Variants in AKAP1 observed in about 807,000 individuals in gnomAD.
The protein encoded by AKAP1 is A-kinase anchoring protein 1.
A neutral mutation model predicts 79.8 loss-of-function variants in AKAP1; 32 were observed. The observed-to-expected ratio is 0.40, with a 90% confidence interval of 0.30 to 0.54. AKAP1 has a LOEUF of 0.54. Ranked by LOEUF, AKAP1 falls within the 20% of genes least tolerant of loss-of-function variation. The pLI, the probability that AKAP1 is intolerant of heterozygous loss-of-function variation, is 0.47. For missense variants in AKAP1, 961 were observed against 1,138.9 expected (o/e 0.84, Z 2.25); for synonymous variants, 416 against 466.7 (o/e 0.89, Z 1.40).
chr17:57,116,300 G>A, intron 7 of AKAP1, 39 bp downstream of exon 7: 13 of 1,611,778 alleles, frequency 8.1e-6, no homozygotes, highest in Non-Finnish European at 1.1e-5. Context: ...CGCCCTGCTT[G>A]TTCTGGGATG....
chr17:57,086,313 G>A lies in AKAP1; in HGVS notation c.-25+915G>A, dbSNP rs1375244437. 2.4e-6 allele frequency: 1 copy of A among 408,608 alleles called. No homozygotes were observed. Among genetic ancestry groups the A allele is most frequent in the African/African-American group, 2.1e-5 (1 of 47,768 alleles). 25.3% of individuals were successfully genotyped at this position (408,608 alleles called of 1,614,324 possible). A position where few individuals can be genotyped will look rare whatever the true frequency, so the allele number is the denominator to read the frequency against. On this transcript the variant is annotated intron_variant, in intron 1 of 10. Coordinates refer to ENST00000337714, the MANE Select transcript of AKAP1 (RefSeq NM_003488.4). This position sits in a 1 kb window ranked among gnomAD's most constrained non-coding sequence, Gnocchi z 5.1. ...GCAGTGGCTGGATGCCTCGAACGCGGGCTTTCTGGCGTTCAACTCTTTTGT... is the reference window on the plus strand; with the variant it reads ...GCAGTGGCTGGATGCCTCGAACGCGAGCTTTCTGGCGTTCAACTCTTTTGT...
chr17:57,107,282 A>C, intron 2 of AKAP1, 104 bp downstream of exon 2: 1 of 1,475,480 alleles, frequency 6.8e-7, no homozygotes, highest in Non-Finnish European at 9.1e-7. Flanking sequence ...CAGCAAAGTC[A>C]TAGTGCTCTT....
chr17:57,120,245 T>C lies in AKAP1; in HGVS notation c.2638-5T>C. On this transcript the variant is annotated splice_region_variant and splice_polypyrimidine_tract_variant and intron_variant, in intron 10 of 10. Transcript: ENST00000337714. ...CAAAAGCTTTAAGGGAACTTTCTTT[T>C]CTAGGTGGTGTTGATAAACCGGTCC... The C allele has an allele frequency of 6.2e-7, 1 of 1,612,040 alleles. No homozygotes were observed. The highest frequency in any genetic ancestry group is 8.5e-7 in the Non-Finnish European group (1 of 1,179,282).
chr17:57,089,282 GA>G (rs948839354), intron 1 of AKAP1, among the ~76,000 whole-genome samples: 3 of 151,468 alleles, frequency 2.0e-5, no homozygotes, highest in Non-Finnish European at 2.9e-5. Context: ...GACTTAAGGG[GA>G]AAAAAAACAA....
chr17:57,089,650 T>G (rs9905737), intron 1 of AKAP1, among the ~76,000 whole-genome samples: 7,502 of 152,246 alleles, frequency 0.049, 535 homozygotes, highest in African/African-American at 0.15. Flanking sequence ...TTGTCTCAAC[T>G]TGTAAATCTC....
intron 6 of AKAP1, 24 bp from the exon 7 acceptor site, chr17:57,116,087 C>T (rs749606605): frequency 2.4e-5 from 39 of 1,607,256 alleles, no homozygotes; most frequent in Admixed American, 1.3e-4. Context: ...AGGCGTTCCA[C>T]GCACTCTGCT....
At chr17:57,091,220 A>G (rs529527743) in intron 1 of AKAP1, among the ~76,000 whole-genome samples, 47 of 152,272 alleles carry the variant, frequency 3.1e-4, no homozygotes, top group Admixed American at 6.5e-4. Flanking sequence ...TCTCTGGGAG[A>G]AAAGGCCGTG....
rs752538337 is a variant in AKAP1, at chr17:57,105,430, G to T, written c.-24-11G>T. ...TAACATCCCTCCTCCCCGCTCTCCT[G>T]CTCTCCCCAGGTGTAATTACTTCAA... On this transcript the variant is annotated splice_polypyrimidine_tract_variant and intron_variant, in intron 1 of 10. Transcript: ENST00000337714. 1.3e-6 allele frequency: 2 copies of T among 1,599,204 alleles called. No homozygotes were observed. The highest frequency in any genetic ancestry group is 2.2e-5 in the South Asian group (2 of 90,476).
intron 1 of AKAP1, among the ~76,000 whole-genome samples, chr17:57,101,991 T>C (rs1240219751): frequency 6.6e-6 from 1 of 152,238 alleles, no homozygotes; most frequent in African/African-American, 2.4e-5. Flanking sequence ...CATCGGTATG[T>C]CAGTGGATTC....
chr17:57,104,141 G>T (rs1384614686), intron 1 of AKAP1, among the ~76,000 whole-genome samples: 1 of 152,046 alleles, frequency 6.6e-6, no homozygotes, highest in Non-Finnish European at 1.5e-5. Flanking sequence ...TGTATTTTTA[G>T]TAGAGACAGG....
chr17:57,093,564 C>T (rs577862865), intron 1 of AKAP1: 26 of 152,128 alleles, frequency 1.7e-4, no homozygotes, highest in Non-Finnish European at 3.1e-4. Flanking sequence ...GAAAATAAGG[C>T]CTTACAAGTT....
intron 1 of AKAP1, chr17:57,095,562 A>G (rs1346644318): frequency 2.1e-5 from 3 of 139,850 alleles, no homozygotes; most frequent in Non-Finnish European, 1.5e-5. Flanking sequence ...TTTGTGTCCC[A>G]CCATGCTTTT....
At chr17:57,090,115 A>G (rs371425065) in intron 1 of AKAP1, among the ~76,000 whole-genome samples, 11 of 152,158 alleles carry the variant, frequency 7.2e-5, no homozygotes, top group Admixed American at 3.3e-4. Flanking sequence ...GAGTGGGGCC[A>G]CAGCGTGGAT....
At position 57,118,424 on chromosome 17, in the gene AKAP1, G is replaced by C; in HGVS notation, c.2544G>C (p.Glu848Asp). The C allele has an allele frequency of 6.2e-7, 1 of 1,614,118 alleles. No individual in the cohort carries two copies. Among genetic ancestry groups the C allele is most frequent in the Non-Finnish European group, 8.5e-7 (1 of 1,180,006 alleles). Residue 848 changes from glutamate (E) to aspartate (D), a missense_variant, in exon 9 of 11, where the codon GAG becomes GAC. Physicochemically the swap from Glu to Asp is conservative, Grantham distance 45 (BLOSUM62 2). This residue lies in a region of AKAP1 where 629 missense variants were observed against 781.1 expected (regional missense o/e 0.81). Transcript: ENST00000337714. Reference protein sequence around the residue: ...FSPEADAAMSEMTGNTALLAQ... With the variant: ...FSPEADAAMSDMTGNTALLAQ... ...CGGAAGCAGATGCCGCCATGAGCGA[G>C]ATGACGGGGAATACAGCACTGCTTG...
chr17:57,091,679 A>ATTATTTAT (rs368217273), intron 1 of AKAP1, among the ~76,000 whole-genome samples: 12,679 of 150,820 alleles, frequency 0.084, 579 homozygotes, highest in East Asian at 0.13. Flanking sequence ...CATTAAAAAC[A>ATTATTTAT]TTATTTATTT....
At chr17:57,089,907 A>G (rs1303719671) in intron 1 of AKAP1, among the ~76,000 whole-genome samples, 1 of 152,356 alleles carries the variant, frequency 6.6e-6, no homozygotes, top group East Asian at 1.9e-4. Context: ...GCCGTTTATT[A>G]TCATAAAGAT....
chr17:57,112,052 T>C (rs1915279749), intron 4 of AKAP1, 128 bp downstream of exon 4: 3 of 1,239,580 alleles, frequency 2.4e-6, no homozygotes, highest in Non-Finnish European at 2.2e-6. Flanking sequence ...GAAGGGAGCA[T>C]TAGGTATCTT....
Position 57,106,808 on chromosome 17 carries a change from G to A in AKAP1, c.1344G>A (p.Lys448=), listed in dbSNP as rs774728612. The A allele has an allele frequency of 3.7e-6, 6 of 1,614,098 alleles. No individual in the cohort carries two copies. The South Asian group carries it at 4.4e-5, about 12-fold the overall frequency. ...CLKSLLSSPT[K]DSKPNISAHH... is the part of the protein sequence containing the mutation. ...AGAGCCTTCTGTCCAGCCCCACCAA[G>A]GACAGTAAGCCAAATATCTCTGCAC... Residue 448 remains lysine, a synonymous_variant, in exon 2 of 11, where the codon AAG becomes AAA. Coordinates refer to ENST00000337714, the MANE Select transcript of AKAP1 (RefSeq NM_003488.4).
In AKAP1 at chr17:57,111,983, A is replaced by C. The variant is rs536674350; in HGVS notation, c.1975+59A>C. The C allele has an allele frequency of 7.6e-6, 12 of 1,573,406 alleles. No individual in the cohort carries two copies. The South Asian group carries it at 1.1e-4, about 15-fold the overall frequency. ...CCTGAAATATTAAATAGAAGTGAAT[A>C]GCATCTGAGTTTCAATTGCTATCTT... On this transcript the variant is annotated intron_variant, in intron 4 of 10. Coordinates refer to ENST00000337714, the MANE Select transcript of AKAP1 (RefSeq NM_003488.4).
Sources: allele counts gnomAD v4.1 joint callset (sites outside exome capture counted in the v4.1 genomes callset), GRCh38; gene constraint gnomAD v4.1.1; regional missense constraint gnomAD v4.1.1; non-coding constraint Gnocchi (gnomAD v3.1); transcripts MANE v1.5; gene names NCBI Gene and HGNC (gene_info 2026-07-23, HGNC 2026-07-21).